ASTN1: variants seen among roughly 807,000 people sequenced by gnomAD.
ASTN1 encodes astrotactin 1, also known as astrotactin-1.
A neutral mutation model predicts 140.7 loss-of-function variants in ASTN1; 41 were observed. The observed-to-expected ratio is 0.29, with a 90% CI of 0.23 to 0.38. ASTN1 has a LOEUF of 0.38. ASTN1 is among the 10% of genes least tolerant of loss of function. The pLI, the probability that ASTN1 is intolerant of heterozygous loss-of-function variation, is 1.00. For synonymous variants in ASTN1, 640 were observed against 652.2 expected, an observed-to-expected ratio of 0.98 and a Z score of 0.29; for missense variants, 1,479 against 1,678.8, an observed-to-expected ratio of 0.88 and a Z score of 2.08.
intron 1 of ASTN1, among the ~76,000 whole-genome samples, chr1:177,100,566 C>T (rs1680251984): frequency 6.6e-6 from 1 of 151,924 alleles, no homozygotes; most frequent in African/African-American, 2.4e-5. Context: ...AGGTTGGTGC[C>T]TCCATGGAAA....
At chr1:177,035,705 G>A (rs767292433) in intron 2 of ASTN1, among the ~76,000 whole-genome samples, 1 of 152,114 alleles carries the variant, frequency 6.6e-6, no homozygotes, top group Admixed American at 6.5e-5. Flanking sequence ...TCTAGGTTCA[G>A]CCCCTTCCTT....
At chr1:177,015,088 T>C (rs567967237) in intron 7 of ASTN1, among the ~76,000 whole-genome samples, 10 of 152,342 alleles carry the variant, frequency 6.6e-5, no homozygotes, top group African/African-American at 2.4e-4. Flanking sequence ...CAGTGTGTGA[T>C]ACTTTTCATA....
intron 8 of ASTN1, among the ~76,000 whole-genome samples, chr1:176,999,739 C>T (rs1262482733): frequency 6.6e-6 from 1 of 152,026 alleles, no homozygotes; most frequent in Non-Finnish European, 1.5e-5. Context: ...GTAATTGAAT[C>T]ATGGGGGCAG....
chr1:176,866,321 G>A (rs542875458), intron 22 of ASTN1, among the ~76,000 whole-genome samples: 2 of 152,110 alleles, frequency 1.3e-5, no homozygotes, highest in African/African-American at 4.8e-5. Flanking sequence ...TCAATGGTGG[G>A]TCAGAAGAAA....
intron 9 of ASTN1, among the ~76,000 whole-genome samples, chr1:176,961,455 G>A (rs1283557659): frequency 3.9e-5 from 6 of 152,108 alleles, no homozygotes; most frequent in African/African-American, 1.2e-4. Context: ...AACTGCAAAG[G>A]GGCAGGTGCT....
chr1:177,150,778 G>C (rs1319194098), intron 1 of ASTN1, among the ~76,000 whole-genome samples: 2 of 151,968 alleles, frequency 1.3e-5, no homozygotes, highest in Admixed American at 1.3e-4. Context: ...GTACTTCAGG[G>C]GTTGGCAAAA....
Position 177,029,963 on chromosome 1 carries a change from T to C in ASTN1, c.1013-222A>G, listed in dbSNP as rs370276193. Among the ~76,000 whole-genome samples, 45 of 152,280 alleles carry C rather than the reference T, an allele frequency of 3.0e-4. No homozygotes were observed. The East Asian group carries it at 7.5e-3, about 26-fold the overall frequency. ...TGGAGCTCTACCCTGCCCCACCCAC[T>C]TCCCTCTGACTAGGGCCATTTCTGG... is the stretch of plus-strand genomic sequence containing the variant. On this transcript the variant is annotated intron_variant, in intron 4 of 22. Coordinates refer to ENST00000361833, the MANE Select transcript of ASTN1 (RefSeq NM_004319.3).
intron 8 of ASTN1, among the ~76,000 whole-genome samples, chr1:177,008,036 G>A (rs1170840894): frequency 2.0e-5 from 3 of 152,108 alleles, no homozygotes; most frequent in Non-Finnish European, 2.9e-5. Context: ...ACATGTTTTC[G>A]CTTGAGAAAA....
intron 2 of ASTN1, among the ~76,000 whole-genome samples, chr1:177,036,595 G>A (rs955059895): frequency 1.3e-5 from 2 of 152,134 alleles, no homozygotes; most frequent in East Asian, 3.9e-4. Context: ...ATAATATTTT[G>A]TAATAATTAT....
chr1:176,970,582 G>C (rs550877527), intron 8 of ASTN1, among the ~76,000 whole-genome samples: 10 of 152,036 alleles, frequency 6.6e-5, no homozygotes, highest in African/African-American at 2.4e-4. Flanking sequence ...TAGGTAGGTA[G>C]GTAGGTAGAT....
At chr1:176,911,310 A>T (rs1670227363) in intron 16 of ASTN1, among the ~76,000 whole-genome samples, 1 of 152,112 alleles carries the variant, frequency 6.6e-6, no homozygotes, top group South Asian at 2.1e-4. Context: ...GACTTTAGAA[A>T]CACTGGACAC....
At chr1:177,013,277 A>G (rs1464457917) in intron 8 of ASTN1, among the ~76,000 whole-genome samples, 1 of 152,038 alleles carries the variant, frequency 6.6e-6, no homozygotes, top group African/African-American at 2.4e-5. Flanking sequence ...TGACTTCCCC[A>G]AGTTTTCTGA....
chr1:177,071,704 GT>G (rs781524389), intron 1 of ASTN1, among the ~76,000 whole-genome samples: 5 of 152,294 alleles, frequency 3.3e-5, no homozygotes, highest in Non-Finnish European at 7.4e-5. Flanking sequence ...GTGGGCATAA[GT>G]GACCTGTAAA....
At chr1:176,956,331 A>G (rs1219874433) in intron 11 of ASTN1, among the ~76,000 whole-genome samples, 2 of 152,082 alleles carry the variant, frequency 1.3e-5, no homozygotes, top group Non-Finnish European at 2.9e-5. Flanking sequence ...CTCATAGGTA[A>G]AAGTCTGGGG....
chr1:176,938,084 A>C (rs909400705), intron 14 of ASTN1, among the ~76,000 whole-genome samples: 1 of 152,242 alleles, frequency 6.6e-6, no homozygotes, highest in Non-Finnish European at 1.5e-5. Flanking sequence ...AAGCTACCTG[A>C]AACTAAGAGA....
At chr1:177,023,702 C>T in intron 6 of ASTN1, 131 bp from the exon 7 acceptor site, 1 of 1,032,898 alleles carries the variant, frequency 9.7e-7, no homozygotes, top group East Asian at 3.1e-5. Context: ...CATTCCTAGC[C>T]CATCATTAGC....
chr1:176,999,086 T>C (rs983089022), intron 8 of ASTN1, among the ~76,000 whole-genome samples: 1 of 152,324 alleles, frequency 6.6e-6, no homozygotes, highest in East Asian at 1.9e-4. Context: ...TAAAAAACTA[T>C]TGAGGGTCCT....
Position 177,061,387 on chromosome 1 carries a change from T to C in ASTN1, c.284-122A>G, listed in dbSNP as rs1362108604. 4.3e-6 allele frequency: 4 copies of C among 932,268 alleles called. No individual in the cohort carries two copies. The African/African-American group carries it at 5.1e-5, about 12-fold the overall frequency. 57.7% of individuals were successfully genotyped at this position (932,268 alleles called of 1,614,324 possible). On this transcript the variant is annotated intron_variant, in intron 1 of 22. Coordinates refer to ENST00000361833, the MANE Select transcript of ASTN1 (RefSeq NM_004319.3). ...TGAAGCCAACAGAAGTTTCCAACAATGTATAGTTAGGTCAGATTTTACTGC... is the reference window on the plus strand; with the variant it reads ...TGAAGCCAACAGAAGTTTCCAACAACGTATAGTTAGGTCAGATTTTACTGC...
chr1:177,104,021 A>G (rs1163630380), intron 1 of ASTN1, among the ~76,000 whole-genome samples: 1 of 152,116 alleles, frequency 6.6e-6, no homozygotes, highest in East Asian at 1.9e-4. Flanking sequence ...GCAGTAACGC[A>G]TCCAACAAGC....
Sources: allele counts gnomAD v4.1 joint callset (sites outside exome capture counted in the v4.1 genomes callset), GRCh38; gene constraint gnomAD v4.1.1; transcripts MANE v1.5; gene names NCBI Gene and HGNC (gene_info 2026-07-23, HGNC 2026-07-21).